The following SGCZ variants were observed in gnomAD, a reference collection of about 807,000 sequenced individuals.
The protein encoded by SGCZ is zeta-sarcoglycan.
A neutral mutation model predicts 41.3 loss-of-function variants in SGCZ; 40 were observed. That is an observed-to-expected ratio of 0.97 (90% confidence interval 0.75 to 1.26). The LOEUF (loss-of-function observed/expected upper bound fraction) is 1.26, where lower values mean the gene tolerates loss of function less well. SGCZ is among the 50% of genes most tolerant of loss of function. The probability of loss-of-function intolerance (pLI) is 0.00; values close to 1 mark genes in which losing one functional copy is unlikely to be tolerated. For missense variants in SGCZ, 552 were observed against 369.8 expected, an observed-to-expected ratio of 1.49 and a Z score of -4.04; for synonymous variants, 206 against 137.5, an observed-to-expected ratio of 1.50 and a Z score of -3.49.
chr8:14,323,712 T>C (rs539264820), intron 3 of SGCZ, among the ~76,000 whole-genome samples: 1 of 152,208 alleles, frequency 6.6e-6, no homozygotes, highest in Admixed American at 6.5e-5. Context: ...GCATGTCTAT[T>C]AATGCTGATC....
At chr8:14,411,506 G>A (rs1334414055) in intron 2 of SGCZ, among the ~76,000 whole-genome samples, 1 of 151,966 alleles carries the variant, frequency 6.6e-6, no homozygotes, top group African/African-American at 2.4e-5. Context: ...TTGAGAATGT[G>A]ATACTTCACT....
chr8:15,046,669 T>C (rs1442761104), intron 1 of SGCZ, among the ~76,000 whole-genome samples: 1 of 152,040 alleles, frequency 6.6e-6, no homozygotes, highest in Non-Finnish European at 1.5e-5. Flanking sequence ...ATCAGGATGC[T>C]AGATGTGCTC....
intron 1 of SGCZ, among the ~76,000 whole-genome samples, chr8:14,680,818 C>A (rs139921658): frequency 6.6e-6 from 1 of 151,734 alleles, no homozygotes; most frequent in Non-Finnish European, 1.5e-5. Flanking sequence ...AAATTAAACT[C>A]CCAAAGATGA....
intron 1 of SGCZ, among the ~76,000 whole-genome samples, chr8:14,650,394 G>T (rs1359858771): frequency 6.6e-6 from 1 of 151,958 alleles, no homozygotes; most frequent in Non-Finnish European, 1.5e-5. Flanking sequence ...GTGCAGGTTT[G>T]TCATATAGGT....
chr8:14,168,146 A>G (rs1052039283), intron 4 of SGCZ, among the ~76,000 whole-genome samples: 1 of 152,198 alleles, frequency 6.6e-6, no homozygotes, highest in Non-Finnish European at 1.5e-5. Context: ...CAAGGCCTTG[A>G]AGAATAGTAT....
At chr8:14,752,712 T>C (rs1334982269) in intron 1 of SGCZ, among the ~76,000 whole-genome samples, 2 of 152,128 alleles carry the variant, frequency 1.3e-5, no homozygotes, top group South Asian at 2.1e-4. Context: ...TTCTAGAAAT[T>C]GTATGGCAGT....
At chr8:14,640,530 G>A (rs573094265) in intron 1 of SGCZ, among the ~76,000 whole-genome samples, 13 of 151,474 alleles carry the variant, frequency 8.6e-5, no homozygotes, top group African/African-American at 2.7e-4. Context: ...ATGTATCTTC[G>A]TGAATATTCC....
intron 1 of SGCZ, among the ~76,000 whole-genome samples, chr8:15,023,125 T>A (rs532410499): frequency 6.6e-6 from 1 of 152,302 alleles, no homozygotes; most frequent in South Asian, 2.1e-4. Flanking sequence ...CTGTTTCTAC[T>A]CTATGAGCTG....
At chr8:15,027,427 T>A (rs1302076216) in intron 1 of SGCZ, among the ~76,000 whole-genome samples, 1 of 152,082 alleles carries the variant, frequency 6.6e-6, no homozygotes, top group African/African-American at 2.4e-5. Flanking sequence ...TGTGAGAATA[T>A]ACCATATCCA....
chr8:14,831,788 G>GTGTGTACACACACATGTATATA (rs1802538770), intron 1 of SGCZ, among the ~76,000 whole-genome samples: 4 of 149,850 alleles, frequency 2.7e-5, no homozygotes, highest in Non-Finnish European at 5.9e-5. Flanking sequence ...ACGTATATAT[G>GTGTGTACACACACATGTATATA]TGTGTACACA....
intron 3 of SGCZ, among the ~76,000 whole-genome samples, chr8:14,306,619 G>A (rs772043405): frequency 6.6e-6 from 1 of 152,058 alleles, no homozygotes; most frequent in African/African-American, 2.4e-5. Flanking sequence ...GACATGACAA[G>A]CTGATGGCAA....
At chr8:15,236,615 A>C (rs890095842) in intron 1 of SGCZ, among the ~76,000 whole-genome samples, 10 of 152,094 alleles carry the variant, frequency 6.6e-5, no homozygotes, top group Non-Finnish European at 1.0e-4. Context: ...CGGGACATTT[A>C]AAGTATTTTG....
intron 1 of SGCZ, among the ~76,000 whole-genome samples, chr8:14,616,744 A>T (rs1806118633): frequency 6.6e-6 from 1 of 152,118 alleles, no homozygotes; most frequent in Non-Finnish European, 1.5e-5. Context: ...CCAATTTAAA[A>T]CCTTGAAAAT....
At chr8:14,660,361 C>G (rs953556348) in intron 1 of SGCZ, among the ~76,000 whole-genome samples, 4 of 151,666 alleles carry the variant, frequency 2.6e-5, no homozygotes, top group Non-Finnish European at 4.4e-5. Flanking sequence ...CGCCTGAGGT[C>G]AAGAGTTTGA....
chr8:14,415,470 G>T (rs1585478834), intron 2 of SGCZ, among the ~76,000 whole-genome samples: 1 of 151,812 alleles, frequency 6.6e-6, no homozygotes, highest in South Asian at 2.1e-4. Flanking sequence ...AAGACAAATT[G>T]CCATAGGTCC....
intron 2 of SGCZ, among the ~76,000 whole-genome samples, chr8:14,526,327 A>G (rs1802948884): frequency 6.6e-6 from 1 of 152,084 alleles, no homozygotes; most frequent in Admixed American, 6.6e-5. Context: ...AAATTTCACT[A>G]TCGATGTGGC....
At chr8:15,014,426 T>C (rs1802949565) in intron 1 of SGCZ, among the ~76,000 whole-genome samples, 1 of 152,222 alleles carries the variant, frequency 6.6e-6, no homozygotes, top group Non-Finnish European at 1.5e-5. Context: ...CGTGTGTCTT[T>C]GTAAATGAAG....
intron 4 of SGCZ, among the ~76,000 whole-genome samples, chr8:14,170,592 C>T (rs984462037): frequency 6.6e-6 from 1 of 152,074 alleles, no homozygotes; most frequent in African/African-American, 2.4e-5. Flanking sequence ...GAAGTGAATG[C>T]AGATGGCCTC....
intron 2 of SGCZ, among the ~76,000 whole-genome samples, chr8:14,344,359 A>G (rs912901219): frequency 5.3e-5 from 8 of 152,110 alleles, no homozygotes; most frequent in Non-Finnish European, 7.4e-5. Context: ...AAGCTACACT[A>G]TATACAGTGT....
Sources: gnomAD v4.1 joint callset for allele counts (sites outside exome capture counted in the v4.1 genomes callset) on GRCh38, gnomAD v4.1.1 for gene constraint, MANE v1.5 for transcripts, NCBI Gene and HGNC (gene_info 2026-07-23, HGNC 2026-07-21) for gene names.